EPB41L3: variants seen among roughly 807,000 people sequenced by gnomAD.
EPB41L3 encodes the protein erythrocyte membrane protein band 4.1 like 3.
EPB41L3 carries 57 observed loss-of-function variants against 127.1 expected under a neutral mutation model. The observed-to-expected ratio is 0.45, with a 90% confidence interval of 0.36 to 0.56. The LOEUF is 0.56. Ranked by LOEUF, EPB41L3 falls within the 20% of genes least tolerant of loss-of-function variation. The pLI, the probability that EPB41L3 is intolerant of heterozygous loss-of-function variation, is 0.00. For missense variants in EPB41L3, 1,273 were observed against 1,372.2 expected (o/e 0.93, Z 1.14); for synonymous variants, 572 against 549.5 (o/e 1.04, Z -0.57).
intron 15 of EPB41L3, 23 bp from the exon 16 acceptor site, chr18:5,406,991 C>T (rs372750687): frequency 6.3e-7 from 1 of 1,598,148 alleles, no homozygotes; most frequent in African/African-American, 1.3e-5. Context: ...CATAAAGTAT[C>T]CAACAGTCAA....
rs779695781 is a variant in EPB41L3 at position 5,397,118 on chromosome 18, T to C, written c.2781A>G (p.Gln927=). The C allele has an allele frequency of 6.2e-7, 1 of 1,614,158 alleles. No homozygotes were observed. The highest frequency in any genetic ancestry group is 8.5e-7 in the Non-Finnish European group (1 of 1,180,008). Residue 927 remains glutamine (Q), a synonymous_variant, in exon 18 of 23, where the codon CAA becomes CAG. Transcript: ENST00000341928. This position sits in a 1 kb window ranked among gnomAD's most constrained non-coding sequence, Gnocchi z 4.1. The stretch of plus-strand genomic sequence containing the variant: ...TGTGGATGGCTGCACTCTGCTCCTC[T>C]TGTCGCTCACGGGAAGCAGCGGCTG... ...EETAAASRER[Q]EEQSAAIHIS...
chr18:5,426,777 C>G (rs1381239116), intron 9 of EPB41L3, among the ~76,000 whole-genome samples: 1 of 152,158 alleles, frequency 6.6e-6, no homozygotes, highest in Admixed American at 6.5e-5. Context: ...TCATATTTGT[C>G]TTTAGATTTC....
chr18:5,443,799 C>T (rs775456208), intron 5 of EPB41L3, 39 bp downstream of exon 5: 1 of 1,577,750 alleles, frequency 6.3e-7, no homozygotes, highest in Non-Finnish European at 8.7e-7. Flanking sequence ...TCTCTGAAAA[C>T]CTTCACATTT....
chr18:5,450,105 C>T (rs2082083692), intron 3 of EPB41L3, among the ~76,000 whole-genome samples: 1 of 151,756 alleles, frequency 6.6e-6, no homozygotes, highest in Admixed American at 6.6e-5. Flanking sequence ...CTGTACATAT[C>T]ATCCTGGAAA....
intron 1 of EPB41L3, among the ~76,000 whole-genome samples, chr18:5,518,153 C>T (rs1239175614): frequency 1.3e-5 from 2 of 152,128 alleles, no homozygotes; most frequent in African/African-American, 4.8e-5. Context: ...ACACATCAGG[C>T]CCCCTCAGGG....
intron 1 of EPB41L3, chr18:5,540,607 G>A (rs1290372996): frequency 1.1e-6 from 1 of 947,848 alleles, no homozygotes; most frequent in Non-Finnish European, 1.3e-6. Flanking sequence ...CAAATCAGCA[G>A]CTAGCTAGCC....
At chr18:5,458,943 TAC>T (rs760134798) in intron 3 of EPB41L3, among the ~76,000 whole-genome samples, 2 of 152,214 alleles carry the variant, frequency 1.3e-5, no homozygotes, top group Non-Finnish European at 2.9e-5. Context: ...CTCTATAAAG[TAC>T]AGTTTTGGGA....
At chr18:5,552,787 G>A (rs1181925064) in intron 3 of EPB41L3, among the ~76,000 whole-genome samples, 4 of 152,166 alleles carry the variant, frequency 2.6e-5, no homozygotes, top group Non-Finnish European at 5.9e-5. Context: ...TTCAAAAGAG[G>A]TCAATGAGGC....
intron 3 of EPB41L3, among the ~76,000 whole-genome samples, chr18:5,593,515 G>A (rs979481846): frequency 7.9e-5 from 12 of 152,114 alleles, no homozygotes; most frequent in African/African-American, 2.9e-4. Flanking sequence ...AAGGCAAATG[G>A]AGGCAGGGCG....
At chr18:5,489,403 C>A (rs1263210102) in intron 1 of EPB41L3, 2 of 527,502 alleles carry the variant, frequency 3.8e-6, no homozygotes, top group Non-Finnish European at 6.5e-6. Context: ...TAACATTTAT[C>A]TAGGAGGAAA....
At chr18:5,611,242 C>T (rs1229924895) in intron 3 of EPB41L3, among the ~76,000 whole-genome samples, 2 of 152,232 alleles carry the variant, frequency 1.3e-5, no homozygotes, top group Non-Finnish European at 2.9e-5. Flanking sequence ...GCAGAAACTA[C>T]ACGTGTCCAT....
intron 6 of EPB41L3, among the ~76,000 whole-genome samples, chr18:5,436,440 A>G (rs1344067335): frequency 5.0e-5 from 6 of 120,156 alleles, no homozygotes; most frequent in African/African-American, 1.9e-4. Flanking sequence ...ACGGAGTCTC[A>G]CTCTGTTGCC....
chr18:5,413,346 A>G (rs2144568726), intron 13 of EPB41L3, among the ~76,000 whole-genome samples: 1 of 152,340 alleles, frequency 6.6e-6, no homozygotes. Flanking sequence ...TGAAAGTACA[A>G]AAGAAAAAAC....
rs1029532923 is a variant in EPB41L3 at position 5,397,725 on chromosome 18, G to A, written c.2472+296C>T. Among the ~76,000 whole-genome samples the A allele has an allele frequency of 6.6e-6, 1 of 152,166 alleles. No homozygotes were observed. Among genetic ancestry groups the A allele is most frequent in the Non-Finnish European group, 1.5e-5 (1 of 68,044 alleles). ...AACCAAAGCATTGCAGCGCATTCAC[G>A]TTGGTTTTGGCTGCTTTCTTAGACT... On this transcript the variant is annotated intron_variant, in intron 17 of 22. Coordinates refer to ENST00000341928, the MANE Select transcript of EPB41L3 (RefSeq NM_012307.5). The surrounding 1 kb of genome is among the most constrained non-coding windows in gnomAD (Gnocchi z 4.1).
At chr18:5,619,799 G>C (rs2144201423) in intron 1 of EPB41L3, among the ~76,000 whole-genome samples, 1 of 152,210 alleles carries the variant, frequency 6.6e-6, no homozygotes, top group East Asian at 1.9e-4. Context: ...AGATTACCCA[G>C]AACCTCTTTG....
chr18:5,499,720 T>C (rs1388857463), intron 1 of EPB41L3, among the ~76,000 whole-genome samples: 1 of 151,798 alleles, frequency 6.6e-6, no homozygotes, highest in African/African-American at 2.4e-5. Flanking sequence ...TGAGCCCAGA[T>C]CGCACCACTG....
intron 1 of EPB41L3, among the ~76,000 whole-genome samples, chr18:5,526,781 A>C (rs973587005): frequency 2.6e-5 from 4 of 152,222 alleles, no homozygotes; most frequent in African/African-American, 7.2e-5. Flanking sequence ...CTATCTTTAT[A>C]CTTCAGAATA....
At chr18:5,534,772 T>C (rs191052870) in intron 1 of EPB41L3, among the ~76,000 whole-genome samples, 1 of 152,310 alleles carries the variant, frequency 6.6e-6, no homozygotes, top group Non-Finnish European at 1.5e-5. Flanking sequence ...TATACTCTCA[T>C]TAGACTGGTT....
chr18:5,606,832 C>G (rs965597737), intron 3 of EPB41L3, among the ~76,000 whole-genome samples: 3 of 151,592 alleles, frequency 2.0e-5, no homozygotes, highest in Admixed American at 2.0e-4. Context: ...GATAAATAAG[C>G]AAGGCTGATG....
Sources: allele counts gnomAD v4.1 joint callset (sites outside exome capture counted in the v4.1 genomes callset), GRCh38; gene constraint gnomAD v4.1.1; non-coding constraint Gnocchi (gnomAD v3.1); transcripts MANE v1.5; gene names NCBI Gene and HGNC (gene_info 2026-07-23, HGNC 2026-07-21).